The following KCNN2 variants were observed in gnomAD, a reference collection of about 807,000 sequenced individuals.
The protein encoded by KCNN2 is potassium calcium-activated channel subfamily N member 2.
KCNN2 carries 24 observed loss-of-function variants against 55.5 expected under a neutral mutation model. The observed-to-expected ratio is 0.43, with a 90% confidence interval of 0.31 to 0.61. The LOEUF is 0.61. Ranked by LOEUF, KCNN2 falls within the 20% of genes least tolerant of loss-of-function variation. KCNN2 has a pLI of 0.08. For synonymous variants in KCNN2, 431 were observed against 336.1 expected, an observed-to-expected ratio of 1.28 and a Z score of -3.09; for missense variants, 754 against 853.6, an observed-to-expected ratio of 0.88 and a Z score of 1.45.
intron 3 of KCNN2, among the ~76,000 whole-genome samples, chr5:114,424,158 A>G (rs1398999100): frequency 6.6e-6 from 1 of 152,242 alleles, no homozygotes; most frequent in African/African-American, 2.4e-5. Flanking sequence ...ACTTTGACTT[A>G]CCATAACTAT....
intron 1 of KCNN2, among the ~76,000 whole-genome samples, chr5:114,150,824 C>A (rs1752505673): frequency 6.6e-6 from 1 of 152,136 alleles, no homozygotes; most frequent in African/African-American, 2.4e-5. Context: ...GAGTTCAAGA[C>A]CAGCCTGACC....
intron 2 of KCNN2, among the ~76,000 whole-genome samples, chr5:114,310,078 G>A (rs1294533765): frequency 6.6e-6 from 1 of 152,174 alleles, no homozygotes; most frequent in East Asian, 1.9e-4. Flanking sequence ...TACTGTCATA[G>A]GTTATTGTTC....
intron 1 of KCNN2, among the ~76,000 whole-genome samples, chr5:114,164,264 T>C (rs1752860324): frequency 6.6e-6 from 1 of 152,162 alleles, no homozygotes; most frequent in Non-Finnish European, 1.5e-5. Flanking sequence ...TGAGGACAAA[T>C]ATTAAGGTAA....
Position 114,332,854 on chromosome 5 carries a change from T to C in KCNN2, c.-184-28091T>C, listed in dbSNP as rs186942774. On this transcript the variant is annotated intron_variant, in intron 2 of 10. Transcript: ENST00000512097. ...CTAACTTTCCACCTGCTTATTCAAA[T>C]GCTACTCATTTTTGCTTACTTTTGC... 1.3e-4 allele frequency among the ~76,000 whole-genome samples: 20 copies of C among 152,338 alleles called. 1 individual carries two copies. Among genetic ancestry groups the C allele is most frequent in the Admixed American group, 1.1e-3 (17 of 15,310 alleles).
intron 1 of KCNN2, among the ~76,000 whole-genome samples, chr5:114,089,896 G>A (rs575688160): frequency 9.2e-5 from 14 of 152,188 alleles, no homozygotes; most frequent in Non-Finnish European, 4.4e-5. Flanking sequence ...TACAAATCGA[G>A]GATCTGAGTA....
chr5:114,405,773 C>T lies in KCNN2; in HGVS notation c.1637+917C>T, dbSNP rs374172895. On this transcript the variant is annotated intron_variant, in intron 3 of 7. Coordinates refer to ENST00000673685, the MANE Select transcript of KCNN2 (RefSeq NM_021614.4). ...TCGCCCAGGCTAGAATGCAGTGGCCCGATCTCGGCTCACTGCAAGCTCTGC... is the reference window on the plus strand; with the variant it reads ...TCGCCCAGGCTAGAATGCAGTGGCCTGATCTCGGCTCACTGCAAGCTCTGC... Among the ~76,000 whole-genome samples the T allele has an allele frequency of 5.7e-4, 87 of 151,704 alleles. No individual in the cohort carries two copies. In the South Asian group the frequency reaches 9.6e-3, roughly 17 times the overall value.
chr5:114,458,760 T>G (rs557744051), intron 3 of KCNN2, among the ~76,000 whole-genome samples: 2 of 152,292 alleles, frequency 1.3e-5, no homozygotes, highest in East Asian at 3.9e-4. Flanking sequence ...GGAACCAGGC[T>G]TGGAGTATCA....
At chr5:114,172,221 A>C (rs1753048828) in intron 1 of KCNN2, among the ~76,000 whole-genome samples, 1 of 152,026 alleles carries the variant, frequency 6.6e-6, no homozygotes, top group African/African-American at 2.4e-5. Flanking sequence ...TGTTAATTCA[A>C]CAAATATTTA....
In KCNN2 at chr5:114,077,261, C is replaced by T. The variant is rs147436424; in HGVS notation, c.-271+20761C>T. Among the ~76,000 whole-genome samples, 205 of 152,320 alleles carry T rather than the reference C, an allele frequency of 1.3e-3. 1 individual carries two copies. The highest frequency in any genetic ancestry group is 4.0e-3 in the African/African-American group (165 of 41,570). On this transcript the variant is annotated intron_variant, in intron 1 of 10. Transcript: ENST00000512097. ...TGGGACTTTCAGTGGAAACTTACAC[C>T]AGTATCAGTGGGGGTCTGCATTAGC... is the stretch of plus-strand genomic sequence containing the variant.
rs995327346 is a variant in KCNN2 at position 114,232,713 on chromosome 5, G to A, written c.-185+11148G>A. Among the ~76,000 whole-genome samples, 2 of 150,196 alleles carry A rather than the reference G, an allele frequency of 1.3e-5. 1 individual carries two copies. Among genetic ancestry groups the A allele is most frequent in the African/African-American group, 5.0e-5 (2 of 39,970 alleles). ...AAAAAGTATTGTTCTTTAACTTTGCGGTGTCAAAAAGTTTTATCTCAAAGT... is the reference window on the plus strand; with the variant it reads ...AAAAAGTATTGTTCTTTAACTTTGCAGTGTCAAAAAGTTTTATCTCAAAGT... On this transcript the variant is annotated intron_variant, in intron 2 of 10. Transcript: ENST00000512097.
At chr5:114,088,408 C>T (rs1344564340) in intron 1 of KCNN2, among the ~76,000 whole-genome samples, 1 of 151,594 alleles carries the variant, frequency 6.6e-6, no homozygotes, top group East Asian at 1.9e-4. Flanking sequence ...TTTTTCTGCC[C>T]TAACTTTTCA....
intron 2 of KCNN2, among the ~76,000 whole-genome samples, chr5:114,318,427 G>A (rs1309251543): frequency 2.6e-5 from 4 of 151,854 alleles, no homozygotes; most frequent in East Asian, 1.9e-4. Flanking sequence ...TATTAATAGA[G>A]TATATATCTT....
intron 2 of KCNN2, among the ~76,000 whole-genome samples, chr5:114,390,541 G>T (rs1561602852): frequency 6.6e-6 from 1 of 152,242 alleles, no homozygotes; most frequent in East Asian, 1.9e-4. Flanking sequence ...AATAACATTT[G>T]TTGACACTAT....
At chr5:114,271,318 G>C (rs1374237027) in intron 2 of KCNN2, among the ~76,000 whole-genome samples, 4 of 152,136 alleles carry the variant, frequency 2.6e-5, no homozygotes, top group Non-Finnish European at 5.9e-5. Context: ...CATTTTTACA[G>C]AGTGCTGATT....
intron 3 of KCNN2, among the ~76,000 whole-genome samples, chr5:114,406,704 G>A (rs1190231100): frequency 3.3e-5 from 5 of 152,000 alleles, no homozygotes; most frequent in Admixed American, 2.6e-4. Flanking sequence ...ATGACTCTTG[G>A]AACATTCTGA....
At chr5:114,272,649 C>T (rs3112761) in intron 2 of KCNN2, among the ~76,000 whole-genome samples, 136,530 of 152,106 alleles carry the variant, frequency 0.9, 61,672 homozygotes, top group East Asian at 0.94. Context: ...CTTCATAAAA[C>T]TTTGTAGATT....
At chr5:114,168,160 T>C (rs560912841) in intron 1 of KCNN2, among the ~76,000 whole-genome samples, 1,275 of 94,968 alleles carry the variant, frequency 0.013, 6 homozygotes, top group Middle Eastern at 0.03. Context: ...TAATCATATA[T>C]ATGTGGATAT....
chr5:114,077,180 G>A (rs1027784659), intron 1 of KCNN2, among the ~76,000 whole-genome samples: 20 of 152,200 alleles, frequency 1.3e-4, no homozygotes, highest in Admixed American at 1.0e-3. Flanking sequence ...GCTCTGCAAC[G>A]TTTGGAGACC....
chr5:114,439,044 G>C (rs957565144), intron 3 of KCNN2, among the ~76,000 whole-genome samples: 1 of 152,064 alleles, frequency 6.6e-6, no homozygotes, highest in Non-Finnish European at 1.5e-5. Context: ...AAGGAAAAAT[G>C]TACAGTACAT....
Sources: allele counts gnomAD v4.1 joint callset (sites outside exome capture counted in the v4.1 genomes callset), GRCh38; gene constraint gnomAD v4.1.1; transcripts MANE v1.5; gene names NCBI Gene and HGNC (gene_info 2026-07-23, HGNC 2026-07-21).